Variants in CEP104 observed in about 807,000 individuals in gnomAD.
CEP104 encodes centrosomal protein 104, also known as centrosomal protein of 104 kDa.
A neutral mutation model predicts 113.3 loss-of-function variants in CEP104; 84 were observed. The ratio of observed to expected loss-of-function variants is 0.74; its 90% CI spans 0.62 to 0.89. The LOEUF (loss-of-function observed/expected upper bound fraction) is 0.89, where lower values mean the gene tolerates loss of function less well. Ranked by LOEUF, CEP104 falls within the 40% of genes least tolerant of loss-of-function variation. The pLI is 0.00. For synonymous variants in CEP104, 378 were observed against 421.7 expected (o/e 0.90, Z 1.27); for missense variants, 1,053 against 1,156.6 (o/e 0.91, Z 1.30).
intron 12 of CEP104, among the ~76,000 whole-genome samples, chr1:3,832,260 CCAGGAGTGTAT>C (rs1644223054): frequency 2.7e-5 from 4 of 150,318 alleles, no homozygotes; most frequent in African/African-American, 4.9e-5. Context: ...TGTATTGTAA[CCAGGAGTGTAT>C]TGTAACCAGG....
intron 1 of CEP104, among the ~76,000 whole-genome samples, chr1:3,855,280 C>G (rs1374278001): frequency 1.3e-5 from 2 of 149,460 alleles, no homozygotes; most frequent in Non-Finnish European, 3.0e-5. Context: ...CTCTCGGGCT[C>G]AAATGATCCT....
chr1:3,826,389 C>T lies in CEP104; in HGVS notation c.2236G>A (p.Asp746Asn). The T allele has an allele frequency of 6.2e-7, 1 of 1,614,044 alleles. No individual in the cohort carries two copies. The highest frequency in any genetic ancestry group is 8.5e-7 in the Non-Finnish European group (1 of 1,179,942). The change falls in exon 17 of 22, where the codon GAT becomes AAT. Residue 746 changes from aspartate to asparagine, a missense_variant. By Grantham distance (23) the Asp-to-Asn change is conservative (BLOSUM62 1). Coordinates refer to ENST00000378230, the MANE Select transcript of CEP104 (RefSeq NM_014704.4). The part of the protein sequence containing the change: ...AAPAEALGIP[D>N]EHYLDNLCIF... Reference sequence around the variant, plus strand: ...ACTTACTTATCTAGATAGTGCTCATCCGGGATTCCCAGAGCTTCAGCAGGG... The same window carrying T: ...ACTTACTTATCTAGATAGTGCTCATTCGGGATTCCCAGAGCTTCAGCAGGG...
rs914135452 is a variant in CEP104 at position 3,826,690 on chromosome 1, C to T, written c.2188+18G>A. The stretch of plus-strand genomic sequence containing the variant: ...TTTACACACCCCAGTTCTTTGTGCA[C>T]CCCAATTCTTTACATACCCTGATTC... On this transcript the variant is annotated intron_variant, in intron 16 of 21. Transcript: ENST00000378230. The T allele has an allele frequency of 6.8e-6, 11 of 1,613,728 alleles. No individual in the cohort carries two copies. Among genetic ancestry groups the T allele is most frequent in the African/African-American group, 1.3e-5 (1 of 74,878 alleles).
chr1:3,856,816 G>GCCCGCGCCCCGCGC (rs56262042), intron 1 of CEP104, 73 bp downstream of exon 1: 5 of 150,848 alleles, frequency 3.3e-5, no homozygotes, highest in African/African-American at 1.2e-4. Flanking sequence ...CCCCCGCGGC[G>GCCCGCGCCCCGCGC]CCCGCGCCCC....
chr1:3,836,569 C>G lies in CEP104; in HGVS notation c.1243G>C (p.Gly415Arg). 1 of 1,612,880 alleles carries G rather than the reference C, an allele frequency of 6.2e-7. No homozygotes were observed. The highest frequency in any genetic ancestry group is 1.1e-5 in the South Asian group (1 of 91,020). The change falls in exon 10 of 22, where the codon GGG (glycine) becomes CGG (arginine). Residue 415 changes from glycine (G) to arginine (R), a missense_variant. Physicochemically the swap from Gly to Arg is moderately radical, Grantham distance 125. Transcript: ENST00000378230. ...TTCTCGGTTAAGGGCTCTGGCTCCC[C>G]TAACATGCCTCCCCTCCGAGCATCG... ...ISDARRGGMLGEPEPLTEKAL... is the reference protein window; with the variant it reads ...ISDARRGGMLREPEPLTEKAL...
Position 3,823,620 on chromosome 1 carries a change from C to T in CEP104, c.2365-58G>A. On this transcript the variant is annotated intron_variant, in intron 18 of 21. Transcript: ENST00000378230. The surrounding 1 kb of genome is among the most constrained non-coding windows in gnomAD (Gnocchi z 4.1). ...CTGAGAAAGCGGCAGCGCCCTCCAGCCAGCCTGCAGAGCCTGTGAGCGCCT... is the reference window on the plus strand; with the variant it reads ...CTGAGAAAGCGGCAGCGCCCTCCAGTCAGCCTGCAGAGCCTGTGAGCGCCT... 1 of 1,609,936 alleles carries T rather than the reference C, an allele frequency of 6.2e-7. No homozygotes were observed. Among genetic ancestry groups the T allele is most frequent in the Non-Finnish European group, 8.5e-7 (1 of 1,177,982 alleles).
At chr1:3,835,606 C>T (rs1314771897) in intron 10 of CEP104, among the ~76,000 whole-genome samples, 3 of 152,166 alleles carry the variant, frequency 2.0e-5, no homozygotes, top group Non-Finnish European at 2.9e-5. Context: ...CTCCTGACCT[C>T]GTGATCCACC....
intron 1 of CEP104, chr1:3,855,914 C>A: frequency 1.0e-6 from 1 of 985,408 alleles, no homozygotes; most frequent in Non-Finnish European, 1.2e-6. Context: ...GGGCAGCCAT[C>A]GACATCCCGA....
At position 3,829,978 on chromosome 1, in the gene CEP104, T is replaced by G; in HGVS notation, c.1856A>C (p.Glu619Ala). Residue 619 changes from glutamate (E) to alanine (A), a missense_variant, in exon 14 of 22, where the codon GAG becomes GCG. Glu to Ala is a moderately radical substitution (Grantham distance 107). Transcript: ENST00000378230. ...CTCGCGGACCTCATACACTCTATGC[T>G]CCAGGGCACTCACTGAAAACTAAAG... ...NVMKFSVSAL[E>A]HRVYEVRETA... is the part of the protein sequence containing the mutation. 6.2e-7 allele frequency: 1 copy of G among 1,613,956 alleles called. No homozygotes were observed. The highest frequency in any genetic ancestry group is 8.5e-7 in the Non-Finnish European group (1 of 1,179,830).
chr1:3,843,373 A>C, intron 6 of CEP104: 1 of 463,340 alleles, frequency 2.2e-6, no homozygotes, highest in Non-Finnish European at 3.9e-6. Flanking sequence ...AAAAATATGT[A>C]TAATTTTTTT....
At chr1:3,841,952 T>C (rs934974350) in intron 6 of CEP104, among the ~76,000 whole-genome samples, 4 of 152,126 alleles carry the variant, frequency 2.6e-5, no homozygotes, top group African/African-American at 9.7e-5. Context: ...AGGAGGGAGG[T>C]AGCCATCCAC....
intron 6 of CEP104, chr1:3,843,204 G>A: frequency 1.4e-6 from 1 of 713,904 alleles, no homozygotes; most frequent in Non-Finnish European, 2.6e-6. Flanking sequence ...ATCCACAGCA[G>A]GCAGGTGGCA....
Position 3,823,400 on chromosome 1 carries a change from G to A in CEP104, c.2503+24C>T, listed in dbSNP as rs758282312. 63 of 1,614,030 alleles carry A rather than the reference G, an allele frequency of 3.9e-5. No individual in the cohort carries two copies. Among genetic ancestry groups the A allele is most frequent in the Middle Eastern group, 3.3e-4 (2 of 6,080 alleles). On this transcript the variant is annotated intron_variant, in intron 19 of 21. Coordinates refer to ENST00000378230, the MANE Select transcript of CEP104 (RefSeq NM_014704.4). This position sits in a 1 kb window ranked among gnomAD's most constrained non-coding sequence, Gnocchi z 4.1. Reference sequence around the variant, plus strand: ...AGGACCCCTGGTGACCCGAGGGCACGGGAGCCTGGGAAGGGGCACTCACGG... The same window carrying A: ...AGGACCCCTGGTGACCCGAGGGCACAGGAGCCTGGGAAGGGGCACTCACGG...
At chr1:3,855,403 T>G (rs1173398838) in intron 1 of CEP104, among the ~76,000 whole-genome samples, 1 of 150,968 alleles carries the variant, frequency 6.6e-6, no homozygotes, top group Non-Finnish European at 1.5e-5. Context: ...TAGGCTGGTC[T>G]TGAACTCCTC....
rs1419335750 is a variant in CEP104 at position 3,813,658 on chromosome 1, G to A, written c.*1744C>T. On this transcript the variant is annotated 3_prime_UTR_variant, in exon 22 of 22. Coordinates refer to ENST00000378230, the MANE Select transcript of CEP104 (RefSeq NM_014704.4). Reference sequence around the variant, plus strand: ...GAGGTCACGAGTTCGAGACCAGCCTGGCCAACATGGTGAAACCCCATCTCT... The same window carrying A: ...GAGGTCACGAGTTCGAGACCAGCCTAGCCAACATGGTGAAACCCCATCTCT... 6.7e-6 allele frequency: 1 copy of A among 149,990 alleles called. No individual in the cohort carries two copies. Among genetic ancestry groups the A allele is most frequent in the Non-Finnish European group, 1.5e-5 (1 of 67,618 alleles). The allele number at this position is 149,990 out of a possible 1,614,324, so 9.3% of individuals were successfully genotyped here. A position where few individuals can be genotyped will look rare whatever the true frequency, so the allele number is the denominator to read the frequency against.
At position 3,815,053 on chromosome 1, in the gene CEP104, G is replaced by C. The variant is rs3795255; in HGVS notation, c.*349C>G. 5,605 of 258,464 alleles carry C rather than the reference G, an allele frequency of 0.022. 125 individuals are homozygous for C. Among genetic ancestry groups the C allele is most frequent in the East Asian group, 0.1 (1,013 of 9,694 alleles). 16.0% of individuals were successfully genotyped at this position (258,464 alleles called of 1,614,324 possible). The stretch of plus-strand genomic sequence containing the variant: ...TCCAAGCACTAAGGAAAGCGGGACC[G>C]TGCCTGTGCTGACCGTGGCCTTGCG... On this transcript the variant is annotated 3_prime_UTR_variant, in exon 22 of 22. Coordinates refer to ENST00000378230, the MANE Select transcript of CEP104 (RefSeq NM_014704.4).
intron 17 of CEP104, 99 bp from the exon 18 acceptor site, chr1:3,825,965 C>A: frequency 1.2e-6 from 1 of 828,928 alleles, no homozygotes; most frequent in Admixed American, 1.9e-5. Flanking sequence ...TTCCCCAGTC[C>A]CTGTGATGTG....
At chr1:3,822,625 C>T (rs4233020) in intron 20 of CEP104, among the ~76,000 whole-genome samples, 91,561 of 151,996 alleles carry the variant, frequency 0.6, 28,119 homozygotes, top group African/African-American at 0.72. Flanking sequence ...ACGCCCATGT[C>T]CCTCCTCGTC....
Position 3,826,756 on chromosome 1 carries a change from A to T in CEP104, c.2152-12T>A. The T allele has an allele frequency of 6.2e-7, 1 of 1,613,814 alleles. No homozygotes were observed. Among genetic ancestry groups the T allele is most frequent in the South Asian group, 1.1e-5 (1 of 91,066 alleles). On this transcript the variant is annotated splice_polypyrimidine_tract_variant and intron_variant, in intron 15 of 21. Coordinates refer to ENST00000378230, the MANE Select transcript of CEP104 (RefSeq NM_014704.4). ...TCACTTTCTTTTTCCTAAGACACAG[A>T]AACAGTGAGGTCAGGGGCAAAGGGC... is the stretch of plus-strand genomic sequence containing the variant.
Sources: allele counts gnomAD v4.1 joint callset (sites outside exome capture counted in the v4.1 genomes callset), GRCh38; gene constraint gnomAD v4.1.1; non-coding constraint Gnocchi (gnomAD v3.1); transcripts MANE v1.5; gene names NCBI Gene and HGNC (gene_info 2026-07-23, HGNC 2026-07-21).